USH2A: variants seen among roughly 807,000 people sequenced by gnomAD.
The protein encoded by USH2A is Usher syndrome 2A (autosomal recessive, mild).
In USH2A, 443 loss-of-function variants were observed where a neutral mutation model predicts 538.9. The ratio of observed to expected loss-of-function variants is 0.82; its 90% CI spans 0.76 to 0.89. The LOEUF (loss-of-function observed/expected upper bound fraction) is 0.89. Among genes scored for constraint, USH2A ranks in the 40% least tolerant of loss-of-function variants. The pLI is 0.00. For missense variants in USH2A, 6,633 were observed against 6,324.8 expected, an observed-to-expected ratio of 1.05 and a Z score of -1.65; for synonymous variants, 2,413 against 2,273.5, an observed-to-expected ratio of 1.06 and a Z score of -1.75.
intron 35 of USH2A, among the ~76,000 whole-genome samples, chr1:215,981,853 G>A (rs1189604336): frequency 6.6e-6 from 1 of 152,136 alleles, no homozygotes; most frequent in Non-Finnish European, 1.5e-5. Context: ...ATTTTACTAA[G>A]CTTTGAGGAA....
intron 32 of USH2A, among the ~76,000 whole-genome samples, chr1:216,009,614 T>A (rs1668494107): frequency 6.6e-6 from 1 of 152,044 alleles, no homozygotes; most frequent in Admixed American, 6.6e-5. Context: ...ACCCCAAGCG[T>A]CCAAGCGTGG....
chr1:216,333,338 G>A lies in USH2A; in HGVS notation c.785-5684C>T, dbSNP rs188439494. On this transcript the variant is annotated intron_variant, in intron 4 of 71. Coordinates refer to ENST00000307340, the MANE Select transcript of USH2A (RefSeq NM_206933.4). ...TTCAAATGAAAAATTCACTAGAGGA[G>A]CTCACTAGCAGATCTAAATGATCAG... Among the ~76,000 whole-genome samples, 3 of 151,996 alleles carry A rather than the reference G, an allele frequency of 2.0e-5. No individual in the cohort carries two copies. In the East Asian group the frequency reaches 5.8e-4, roughly 30 times the overall value.
intron 34 of USH2A, among the ~76,000 whole-genome samples, chr1:215,997,743 A>G (rs915197963): frequency 3.1e-4 from 47 of 152,054 alleles, no homozygotes; most frequent in Admixed American, 1.3e-4. Flanking sequence ...GACTCTTCCT[A>G]ATTTTGATAC....
At chr1:215,923,493 G>A (rs1163681108) in intron 38 of USH2A, among the ~76,000 whole-genome samples, 2 of 151,972 alleles carry the variant, frequency 1.3e-5, no homozygotes, top group African/African-American at 4.8e-5. Flanking sequence ...TTACTGTACT[G>A]GTTTACTGCA....
At chr1:216,065,127 A>G (rs1413370416) in intron 30 of USH2A, among the ~76,000 whole-genome samples, 1 of 152,164 alleles carries the variant, frequency 6.6e-6, no homozygotes, top group African/African-American at 2.4e-5. Context: ...CTCCCTATAC[A>G]TCACTACCAT....
At chr1:215,988,167 T>C (rs1485028033) in intron 35 of USH2A, among the ~76,000 whole-genome samples, 2 of 152,084 alleles carry the variant, frequency 1.3e-5, no homozygotes, top group Non-Finnish European at 2.9e-5. Context: ...TCTAAACCCA[T>C]TGAACAGCAA....
intron 21 of USH2A, among the ~76,000 whole-genome samples, chr1:216,148,591 A>G (rs2102617839): frequency 6.6e-6 from 1 of 152,224 alleles, no homozygotes; most frequent in Admixed American, 6.5e-5. Context: ...CCCGCCTGCT[A>G]CAGCATGGCC....
intron 41 of USH2A, among the ~76,000 whole-genome samples, chr1:215,879,808 C>T (rs1405514700): frequency 6.6e-6 from 1 of 152,094 alleles, no homozygotes; most frequent in Non-Finnish European, 1.5e-5. Flanking sequence ...TCTTTTCTGG[C>T]TAAACTCTAC....
At position 215,675,634 on chromosome 1, in the gene USH2A, C is replaced by T; in HGVS notation, c.12295-18G>A. The T allele has an allele frequency of 3.1e-6, 5 of 1,614,064 alleles. No homozygotes were observed. The highest frequency in any genetic ancestry group is 4.2e-6 in the Non-Finnish European group (5 of 1,179,980). Reference sequence around the variant, plus strand: ...TTGTATGTCTACAGAAGGACAGAAGCAAAAGGGATAACTTGCAGCATACAA... The same window carrying T: ...TTGTATGTCTACAGAAGGACAGAAGTAAAAGGGATAACTTGCAGCATACAA... On this transcript the variant is annotated intron_variant, in intron 62 of 71. Coordinates refer to ENST00000307340, the MANE Select transcript of USH2A (RefSeq NM_206933.4).
chr1:216,386,498 A>G (rs2039009829), intron 3 of USH2A, among the ~76,000 whole-genome samples: 1 of 80,008 alleles, frequency 1.2e-5, no homozygotes, highest in Non-Finnish European at 3.0e-5. Flanking sequence ...AAAACAAACA[A>G]ACAAACAAAC....
intron 61 of USH2A, among the ~76,000 whole-genome samples, chr1:215,688,098 A>T (rs925790143): frequency 3.4e-5 from 5 of 145,344 alleles, no homozygotes; most frequent in African/African-American, 1.3e-4. Flanking sequence ...ATTCTTGATT[A>T]CAAGGGCGGG....
At position 215,840,212 on chromosome 1, in the gene USH2A, GTTATGTGCTTTAAAA is replaced by G. The variant is rs554890693; in HGVS notation, c.9259-2124_9259-2110del. Among the ~76,000 whole-genome samples the G allele has an allele frequency of 2.1e-3, 293 of 139,882 alleles. 1 individual carries two copies. The highest frequency in any genetic ancestry group is 0.019 in the Middle Eastern group (5 of 260). 91.8% of individuals were successfully genotyped at this position (139,882 alleles called of 152,430 possible). A position where few individuals can be genotyped will look rare whatever the true frequency, so the allele number is the denominator to read the frequency against. On this transcript the variant is annotated intron_variant, in intron 46 of 71. Coordinates refer to ENST00000307340, the MANE Select transcript of USH2A (RefSeq NM_206933.4). ...AAAAAAAAAGTAGATACTTGAGTGT[GTTATGTGCTTTAAAA>G]TCAATAGCTATTTTACAGATGGGGT...
intron 69 of USH2A, among the ~76,000 whole-genome samples, chr1:215,636,997 C>A (rs1319640634): frequency 6.6e-6 from 1 of 151,914 alleles, no homozygotes; most frequent in African/African-American, 2.4e-5. Context: ...TCCCTTTATC[C>A]CTTCCCTTCT....
At chr1:216,031,866 A>G (rs1042701995) in intron 32 of USH2A, among the ~76,000 whole-genome samples, 3 of 152,190 alleles carry the variant, frequency 2.0e-5, no homozygotes, top group African/African-American at 7.2e-5. Context: ...GTGTCTAGTG[A>G]CTACGCAACC....
chr1:216,174,732 T>G, intron 21 of USH2A: 1 of 995,372 alleles, frequency 1.0e-6, no homozygotes, highest in Non-Finnish European at 1.2e-6. Flanking sequence ...CATGAGATAT[T>G]AAGTTGTCAC....
intron 20 of USH2A, among the ~76,000 whole-genome samples, chr1:216,187,802 C>T (rs2034639115): frequency 6.6e-6 from 1 of 151,846 alleles, no homozygotes. Context: ...TTCTAATCCT[C>T]ATCAGAACCC....
At chr1:216,395,351 T>C (rs568711908) in intron 3 of USH2A, among the ~76,000 whole-genome samples, 6 of 152,350 alleles carry the variant, frequency 3.9e-5, no homozygotes, top group African/African-American at 1.4e-4. Flanking sequence ...CCAAAAAATA[T>C]ATTTTATCTT....
rs1664838417 is a variant in USH2A, at chr1:215,878,873, G to A, written c.8449C>T (p.His2817Tyr). ...CCAACATTCTGAGGTACGGTGGGGT[G>A]AGTGGTAACATAGGTAGGTAAACTC... ...TESLPTYVTT[H>Y]PTVPQNVGPL... is the part of the protein sequence containing the mutation. The change falls in exon 42 of 72, where the codon CAC (histidine) becomes TAC (tyrosine). Residue 2817 changes from histidine to tyrosine, a missense_variant. By Grantham distance (83) the His-to-Tyr change is moderately conservative (BLOSUM62 2). Transcript: ENST00000307340. The A allele has an allele frequency of 5.6e-6, 9 of 1,613,948 alleles. No homozygotes were observed. Among genetic ancestry groups the A allele is most frequent in the Non-Finnish European group, 5.9e-6 (7 of 1,179,992 alleles).
chr1:216,201,117 A>C (rs1311244621), intron 16 of USH2A, among the ~76,000 whole-genome samples: 2 of 150,246 alleles, frequency 1.3e-5, no homozygotes, highest in African/African-American at 4.9e-5. Flanking sequence ...AAACAGCAAC[A>C]ATGTTTAGCC....
Sources: allele counts gnomAD v4.1 joint callset (sites outside exome capture counted in the v4.1 genomes callset), GRCh38; gene constraint gnomAD v4.1.1; transcripts MANE v1.5; gene names NCBI Gene and HGNC (gene_info 2026-07-23, HGNC 2026-07-21).